Variants in DOCK3 observed in about 807,000 individuals in gnomAD.
DOCK3 encodes dedicator of cytokinesis protein 3.
A neutral mutation model predicts 265.6 loss-of-function variants in DOCK3; 60 were observed. The ratio of observed to expected loss-of-function variants is 0.23; its 90% CI spans 0.18 to 0.28. The LOEUF (loss-of-function observed/expected upper bound fraction) is 0.28, where lower values mean the gene tolerates loss of function less well. DOCK3 is among the 10% of genes least tolerant of loss of function. The probability of loss-of-function intolerance (pLI) is 1.00; values close to 1 mark genes in which losing one functional copy is unlikely to be tolerated. For synonymous variants in DOCK3, 881 were observed against 938.0 expected (o/e 0.94, Z 1.11); for missense variants, 1,981 against 2,594.3 (o/e 0.76, Z 5.14).
chr3:51,242,578 T>C (rs923417201), intron 21 of DOCK3, among the ~76,000 whole-genome samples: 2 of 151,924 alleles, frequency 1.3e-5, no homozygotes, highest in African/African-American at 4.8e-5. Flanking sequence ...ACGGTAGAGA[T>C]GGTGATGGCT....
intron 40 of DOCK3, among the ~76,000 whole-genome samples, chr3:51,350,827 G>A (rs2085927787): frequency 6.6e-6 from 1 of 152,206 alleles, no homozygotes; most frequent in Non-Finnish European, 1.5e-5. Flanking sequence ...CCTCCTGGCT[G>A]CACTGTAGCC....
chr3:50,737,771 CTT>C (rs1459690831), intron 1 of DOCK3, among the ~76,000 whole-genome samples: 1 of 152,090 alleles, frequency 6.6e-6, no homozygotes, highest in Non-Finnish European at 1.5e-5. Context: ...CATGGAGTCT[CTT>C]TGTTGGACTT....
intron 2 of DOCK3, among the ~76,000 whole-genome samples, chr3:50,829,965 CTG>C (rs1006283460): frequency 2.0e-5 from 3 of 152,038 alleles, no homozygotes; most frequent in South Asian, 2.1e-4. Context: ...TATAACTAAA[CTG>C]TGCAAATAAA....
intron 5 of DOCK3, among the ~76,000 whole-genome samples, chr3:51,053,598 T>G (rs542230104): frequency 1.6e-4 from 25 of 152,024 alleles, no homozygotes; most frequent in African/African-American, 5.3e-4. Context: ...ATTTTTTGTA[T>G]TTTTAGTAGA....
At chr3:50,942,001 A>G (rs750418745) in intron 5 of DOCK3, among the ~76,000 whole-genome samples, 4 of 152,044 alleles carry the variant, frequency 2.6e-5, no homozygotes, top group Non-Finnish European at 5.9e-5. Context: ...GAATTTACAC[A>G]TGTGGTTTCT....
intron 38 of DOCK3, among the ~76,000 whole-genome samples, chr3:51,343,947 A>AG (rs35119634): frequency 1.3e-5 from 2 of 152,204 alleles, no homozygotes; most frequent in Non-Finnish European, 2.9e-5. Context: ...AGGCCAGACA[A>AG]GGAGAGAGGG....
chr3:51,074,058 T>G (rs889471611), intron 6 of DOCK3, among the ~76,000 whole-genome samples: 3 of 152,246 alleles, frequency 2.0e-5, no homozygotes, highest in Non-Finnish European at 2.9e-5. Context: ...TGTGCTAGCA[T>G]GTTCTAAAAT....
chr3:51,159,358 G>C, intron 11 of DOCK3, 54 bp downstream of exon 11: 1 of 1,533,282 alleles, frequency 6.5e-7, no homozygotes. Flanking sequence ...CTTGGGATAA[G>C]TATGTCTTGT....
At chr3:50,760,795 T>TC (rs1456433737) in intron 1 of DOCK3, among the ~76,000 whole-genome samples, 1 of 151,810 alleles carries the variant, frequency 6.6e-6, no homozygotes, top group Non-Finnish European at 1.5e-5. Flanking sequence ...TTTTTTTTTT[T>TC]CTTTTGAGAT....
In DOCK3 at chr3:51,090,362, A is replaced by T. The variant is rs371384870; in HGVS notation, c.724A>T (p.Met242Leu). ...CGATGTCTTCTTTTCCTTATATGAC[A>T]TGAGGGAAGGCAAGCAGATCAGGTG... Reference protein sequence around the residue: ...DTDVFFSLYDMREGKQISERF... With the variant: ...DTDVFFSLYDLREGKQISERF... Residue 242 changes from methionine (M) to leucine (L), a missense_variant, in exon 9 of 53, where the codon ATG becomes TTG. Met to Leu is a conservative substitution (Grantham distance 15). Transcript: ENST00000266037. 1.3e-5 allele frequency: 21 copies of T among 1,606,830 alleles called. No homozygotes were observed. The African/African-American group carries it at 2.5e-4, about 19-fold the overall frequency.
intron 1 of DOCK3, among the ~76,000 whole-genome samples, chr3:50,695,462 A>G (rs901982613): frequency 2.6e-5 from 4 of 152,096 alleles, no homozygotes; most frequent in African/African-American, 9.7e-5. Context: ...CAATATTGCC[A>G]TTTACTACTG....
At chr3:51,317,619 A>G (rs1485971897) in intron 32 of DOCK3, among the ~76,000 whole-genome samples, 1 of 147,668 alleles carries the variant, frequency 6.8e-6, no homozygotes, top group Non-Finnish European at 1.5e-5. Context: ...AATAATAATA[A>G]TAATGTATAT....
intron 4 of DOCK3, chr3:50,901,066 A>C (rs970413529): frequency 3.4e-6 from 1 of 291,580 alleles, no homozygotes; most frequent in Non-Finnish European, 6.8e-6. Flanking sequence ...CTGCTGATGC[A>C]GTGCCTGCTG....
intron 5 of DOCK3, among the ~76,000 whole-genome samples, chr3:50,962,908 C>A (rs567073939): frequency 7.2e-4 from 110 of 152,260 alleles, no homozygotes; most frequent in African/African-American, 2.6e-3. Context: ...TTATTTGGGC[C>A]AGGCGCAGTG....
rs1278891846 is a variant in DOCK3, at chr3:51,030,642, G to A, written c.316-33806G>A. On this transcript the variant is annotated intron_variant, in intron 5 of 52. Transcript: ENST00000266037. ...TCTACTTTTAGTTTACTTTCTGCTAGTCATTTTAGTACTGAGTAATAAGCA... is the reference window on the plus strand; with the variant it reads ...TCTACTTTTAGTTTACTTTCTGCTAATCATTTTAGTACTGAGTAATAAGCA... Among the ~76,000 whole-genome samples, 3 of 152,148 alleles carry A rather than the reference G, an allele frequency of 2.0e-5. No individual in the cohort carries two copies. The East Asian group carries it at 5.8e-4, about 29-fold the overall frequency.
intron 2 of DOCK3, among the ~76,000 whole-genome samples, chr3:50,840,338 A>G (rs959091717): frequency 2.0e-5 from 3 of 152,128 alleles, no homozygotes; most frequent in Non-Finnish European, 4.4e-5. Flanking sequence ...TTGGAGTTTT[A>G]TAGTTTTGCA....
At chr3:50,886,203 T>TTCC (rs2048325211) in intron 3 of DOCK3, among the ~76,000 whole-genome samples, 1 of 148,220 alleles carries the variant, frequency 6.7e-6, no homozygotes, top group Non-Finnish European at 1.5e-5. Context: ...TATATATATA[T>TTCC]ATATATTCCA....
At chr3:51,322,262 G>A (rs1007295862) in intron 32 of DOCK3, among the ~76,000 whole-genome samples, 1 of 152,182 alleles carries the variant, frequency 6.6e-6, no homozygotes, top group African/African-American at 2.4e-5. Context: ...GAGTGCAGTG[G>A]TGCAATCTCG....
chr3:50,975,493 A>G (rs949517601), intron 5 of DOCK3, among the ~76,000 whole-genome samples: 1 of 151,066 alleles, frequency 6.6e-6, no homozygotes, highest in Admixed American at 6.6e-5. Context: ...GATGAAGCCC[A>G]CTTGATCATG....
Sources: allele counts gnomAD v4.1 joint callset (sites outside exome capture counted in the v4.1 genomes callset), GRCh38; gene constraint gnomAD v4.1.1; transcripts MANE v1.5; gene names NCBI Gene and HGNC (gene_info 2026-07-23, HGNC 2026-07-21).